Variants in PLA2G12A observed in about 807,000 individuals in gnomAD.
The protein encoded by PLA2G12A is group XIIA secretory phospholipase A2.
A neutral mutation model predicts 16.0 loss-of-function variants in PLA2G12A; 11 were observed. The ratio of observed to expected loss-of-function variants is 0.69; its 90% confidence interval spans 0.43 to 1.13. PLA2G12A has a LOEUF of 1.13. PLA2G12A is among the 50% of genes most tolerant of loss of function. PLA2G12A has a pLI of 0.00. For missense variants in PLA2G12A, 214 were observed against 237.3 expected (o/e 0.90, Z 0.65); for synonymous variants, 77 against 93.8 (o/e 0.82, Z 1.03).
At chr4:109,719,436 T>C (rs546170301) in intron 1 of PLA2G12A, among the ~76,000 whole-genome samples, 4 of 152,236 alleles carry the variant, frequency 2.6e-5, no homozygotes, top group East Asian at 1.9e-4. Flanking sequence ...CCAGAAGTAC[T>C]GTAGTTCTAA....
Position 109,712,584 on chromosome 4 carries a change from C to A in PLA2G12A, c.*1793G>T, listed in dbSNP as rs575638346. The A allele has an allele frequency of 6.6e-6, 1 of 152,198 alleles. No homozygotes were observed. The highest frequency in any genetic ancestry group is 1.5e-5 in the Non-Finnish European group (1 of 68,020). The allele number at this position is 152,198 out of a possible 1,614,324, so 9.4% of individuals were successfully genotyped here. On this transcript the variant is annotated 3_prime_UTR_variant, in exon 4 of 4. Transcript: ENST00000243501. ...CAATCTCAGCTCACTGCAACCTCCA[C>A]CTCCTGGGTTCAAGTGATTCTCGTA...
At chr4:109,726,312 C>T (rs766454399) in intron 1 of PLA2G12A, among the ~76,000 whole-genome samples, 1 of 152,192 alleles carries the variant, frequency 6.6e-6, no homozygotes, top group African/African-American at 2.4e-5. Flanking sequence ...GTTCTTTCCA[C>T]GGTCTTCCCC....
chr4:109,714,910 AT>A (rs1730799857), intron 3 of PLA2G12A, among the ~76,000 whole-genome samples: 1 of 151,904 alleles, frequency 6.6e-6, no homozygotes, highest in Non-Finnish European at 1.5e-5. Context: ...AATTTTTTAA[AT>A]TTAATTTTTA....
chr4:109,718,625 C>A, intron 2 of PLA2G12A, 58 bp downstream of exon 2: 1 of 1,320,298 alleles, frequency 7.6e-7, no homozygotes, highest in South Asian at 1.3e-5. Flanking sequence ...CTTATATCAC[C>A]AAAAGTATTA....
At chr4:109,723,319 T>C (rs1164274848) in intron 1 of PLA2G12A, among the ~76,000 whole-genome samples, 2 of 152,210 alleles carry the variant, frequency 1.3e-5, no homozygotes, top group South Asian at 4.1e-4. Flanking sequence ...TAAGATTGTA[T>C]ATAAGATTCA....
intron 3 of PLA2G12A, 102 bp from the exon 4 acceptor site, chr4:109,714,597 T>C: frequency 1.3e-6 from 1 of 747,072 alleles, no homozygotes; most frequent in Non-Finnish European, 2.4e-6. Flanking sequence ...TCGTGAGCAC[T>C]GAAATGTATG....
Position 109,721,385 on chromosome 4 carries a change from G to A in PLA2G12A, c.209-2626C>T, listed in dbSNP as rs151260886. Among the ~76,000 whole-genome samples, 542 of 150,694 alleles carry A rather than the reference G, an allele frequency of 3.6e-3. 7 individuals carry two copies. The highest frequency in any genetic ancestry group is 0.012 in the East Asian group (63 of 5,054). ...CCAGCAAGCTGGAGTGCAATGGCGC[G>A]ATCTTGGCTCATCGCAACCTCTGCC... is the stretch of plus-strand genomic sequence containing the variant. On this transcript the variant is annotated intron_variant, in intron 1 of 3. Coordinates refer to ENST00000243501, the MANE Select transcript of PLA2G12A (RefSeq NM_030821.5).
chr4:109,720,192 A>G (rs1730897608), intron 1 of PLA2G12A, among the ~76,000 whole-genome samples: 1 of 152,180 alleles, frequency 6.6e-6, no homozygotes, highest in Non-Finnish European at 1.5e-5. Context: ...AATCCTTTCA[A>G]ATATTTTGGG....
chr4:109,721,296 T>C (rs1417681413), intron 1 of PLA2G12A, among the ~76,000 whole-genome samples: 2 of 151,554 alleles, frequency 1.3e-5, no homozygotes, highest in Non-Finnish European at 2.9e-5. Flanking sequence ...TCAACTCTCA[T>C]CGCCTACTTT....
chr4:109,724,036 C>G (rs1722869681), intron 1 of PLA2G12A, among the ~76,000 whole-genome samples: 2 of 152,194 alleles, frequency 1.3e-5, no homozygotes, highest in South Asian at 4.1e-4. Flanking sequence ...GGCACCTCAC[C>G]CTGTTCCATG....
At position 109,712,795 on chromosome 4, in the gene PLA2G12A, C is replaced by T. The variant is rs1032584223; in HGVS notation, c.*1582G>A. ...ATAGGTGTGAGCCACTGTGCCCAGC[C>T]GATAAGCATTAATTATTAATAATGG... On this transcript the variant is annotated 3_prime_UTR_variant, in exon 4 of 4. Coordinates refer to ENST00000243501, the MANE Select transcript of PLA2G12A (RefSeq NM_030821.5). 21 of 152,082 alleles carry T rather than the reference C, an allele frequency of 1.4e-4. No homozygotes were observed. The highest frequency in any genetic ancestry group is 1.3e-3 in the Admixed American group (20 of 15,268). The allele number at this position is 152,082 out of a possible 1,614,324, so 9.4% of individuals were successfully genotyped here. A position where few individuals can be genotyped will look rare whatever the true frequency, so the allele number is the denominator to read the frequency against.
intron 3 of PLA2G12A, among the ~76,000 whole-genome samples, chr4:109,715,754 C>T (rs555469937): frequency 3.9e-5 from 6 of 152,120 alleles, no homozygotes; most frequent in African/African-American, 7.2e-5. Context: ...GGATTACAGG[C>T]GTGAGCCACC....
rs774779963 is a variant in PLA2G12A at position 109,729,619 on chromosome 4, T to C, written c.191A>G (p.Gln64Arg). The change falls in exon 1 of 4, where the codon CAG becomes CGG. Residue 64 changes from glutamine to arginine, a missense_variant. Gln to Arg is a conservative substitution (Grantham distance 43). Coordinates refer to ENST00000243501, the MANE Select transcript of PLA2G12A (RefSeq NM_030821.5). ...CCCCTCACCGTCACTGCATTTATACTGGCAGAGACCGTCCTCGCCTCCCAG... is the reference window on the plus strand; with the variant it reads ...CCCCTCACCGTCACTGCATTTATACCGGCAGAGACCGTCCTCGCCTCCCAG... ...DLLGGEDGLC[Q>R]YKCSDGSKPF... 11 of 1,611,216 alleles carry C rather than the reference T, an allele frequency of 6.8e-6. No homozygotes were observed. Among genetic ancestry groups the C allele is most frequent in the Non-Finnish European group, 9.3e-6 (11 of 1,179,378 alleles).
chr4:109,713,224 AG>A lies in PLA2G12A; in HGVS notation c.*1152del, dbSNP rs1170326760. On this transcript the variant is annotated 3_prime_UTR_variant, in exon 4 of 4. Transcript: ENST00000243501. ...ACCAGTAGTCAGCAAAGACCGGTCTAGGAACATAACTGAGCATTCCAAGAGA... is the reference window on the plus strand; with the variant it reads ...ACCAGTAGTCAGCAAAGACCGGTCTAGAACATAACTGAGCATTCCAAGAGA... 1 of 152,248 alleles carries A rather than the reference AG, an allele frequency of 6.6e-6. No homozygotes were observed. The highest frequency in any genetic ancestry group is 2.4e-5 in the African/African-American group (1 of 41,470). The allele number at this position is 152,248 out of a possible 1,614,324, so 9.4% of individuals were successfully genotyped here. A position where few individuals can be genotyped will look rare whatever the true frequency, so the allele number is the denominator to read the frequency against.
At position 109,714,337 on chromosome 4, in the gene PLA2G12A, T is replaced by C. The variant is rs376672253; in HGVS notation, c.*40A>G. ...ACATTAGTTATTTGTCAAAGGTATG[T>C]TCTTCCATCTTCATCTGTCACTAGC... On this transcript the variant is annotated 3_prime_UTR_variant, in exon 4 of 4. Coordinates refer to ENST00000243501, the MANE Select transcript of PLA2G12A (RefSeq NM_030821.5). 4 of 1,270,836 alleles carry C rather than the reference T, an allele frequency of 3.1e-6. No individual in the cohort carries two copies. Among genetic ancestry groups the C allele is most frequent in the Non-Finnish European group, 4.6e-6 (4 of 867,476 alleles). The allele number at this position is 1,270,836 out of a possible 1,614,324, so 78.7% of individuals were successfully genotyped here. A position where few individuals can be genotyped will look rare whatever the true frequency, so the allele number is the denominator to read the frequency against.
intron 1 of PLA2G12A, among the ~76,000 whole-genome samples, chr4:109,726,197 G>T (rs563703021): frequency 6.6e-6 from 1 of 152,126 alleles, no homozygotes; most frequent in African/African-American, 2.4e-5. Flanking sequence ...CTTACCCAAG[G>T]CTATGACTCC....
intron 3 of PLA2G12A, 131 bp downstream of exon 3, chr4:109,717,417 A>T: frequency 1.0e-6 from 1 of 990,342 alleles, no homozygotes; most frequent in Non-Finnish European, 1.5e-6. Context: ...TCACCTCAGA[A>T]AATTGAAGTC....
chr4:109,720,987 C>T (rs1369251709), intron 1 of PLA2G12A, among the ~76,000 whole-genome samples: 3 of 152,204 alleles, frequency 2.0e-5, no homozygotes, highest in Admixed American at 2.0e-4. Flanking sequence ...AGGAGAATCG[C>T]TTGAACCTAG....
At chr4:109,723,453 CAG>C (rs539187616) in intron 1 of PLA2G12A, among the ~76,000 whole-genome samples, 378 of 152,302 alleles carry the variant, frequency 2.5e-3, no homozygotes, top group African/African-American at 8.7e-3. Flanking sequence ...TTAATCAGGA[CAG>C]AGGTCCACTA....
Sources: gnomAD v4.1 joint callset for allele counts (sites outside exome capture counted in the v4.1 genomes callset) on GRCh38, gnomAD v4.1.1 for gene constraint, MANE v1.5 for transcripts, NCBI Gene and HGNC (gene_info 2026-07-23, HGNC 2026-07-21) for gene names.